Variants in FOXN2 observed in about 807,000 individuals in gnomAD.
FOXN2 encodes forkhead box protein N2.
FOXN2 carries 19 observed loss-of-function variants against 41.2 expected under a neutral mutation model. The observed-to-expected ratio is 0.46, with a 90% CI of 0.32 to 0.68. The LOEUF (loss-of-function observed/expected upper bound fraction) is 0.68. FOXN2 is among the 30% of genes least tolerant of loss of function. The pLI is 0.03. For synonymous variants in FOXN2, 195 were observed against 176.8 expected (o/e 1.10, Z -0.82); for missense variants, 587 against 509.4 (o/e 1.15, Z -1.47).
rs773308466 is a variant in FOXN2, at chr2:48,359,067, A to T, written c.558A>T (p.Leu186Phe). 2 of 1,613,416 alleles carry T rather than the reference A, an allele frequency of 1.2e-6. No individual in the cohort carries two copies. Among genetic ancestry groups the T allele is most frequent in the Non-Finnish European group, 1.7e-6 (2 of 1,179,600 alleles). Residue 186 changes from leucine (L) to phenylalanine (F), a missense_variant, in exon 4 of 7, where the codon TTA (leucine) becomes TTT (phenylalanine). Coordinates refer to ENST00000340553, the MANE Select transcript of FOXN2 (RefSeq NM_002158.4). ...TCTAGGTTAATGGAAAAGGTTCCTT[A>T]TGGTGTGTTGATCCGGAATATAAAC... ...SHGKVNGKGS[L>F]WCVDPEYKPN...
intron 5 of FOXN2, among the ~76,000 whole-genome samples, chr2:48,369,264 CG>C (rs1009129528): frequency 6.6e-6 from 1 of 152,146 alleles, no homozygotes; most frequent in Non-Finnish European, 1.5e-5. Flanking sequence ...TTAGGCCAGG[CG>C]GGGGTCTCAC....
chr2:48,358,196 C>T (rs1446238846), intron 3 of FOXN2, among the ~76,000 whole-genome samples: 1 of 150,836 alleles, frequency 6.6e-6, no homozygotes, highest in Non-Finnish European at 1.5e-5. Flanking sequence ...TTCAAAATTC[C>T]CTCCTCGGTG....
chr2:48,374,011 C>T (rs1323932816), intron 6 of FOXN2, among the ~76,000 whole-genome samples: 4 of 149,522 alleles, frequency 2.7e-5, no homozygotes, highest in Non-Finnish European at 1.5e-5. Flanking sequence ...GCCATGAGCA[C>T]TGCAGTGAGC....
intron 1 of FOXN2, among the ~76,000 whole-genome samples, chr2:48,319,785 ATTTTTT>A (rs545797179): frequency 1.0e-5 from 1 of 98,780 alleles, no homozygotes; most frequent in Non-Finnish European, 2.1e-5. Flanking sequence ...TAATTTTTTA[ATTTTTT>A]TTTTTTTTTT....
chr2:48,357,643 C>G (rs1017422390), intron 3 of FOXN2, among the ~76,000 whole-genome samples: 1 of 151,686 alleles, frequency 6.6e-6, no homozygotes, highest in Non-Finnish European at 1.5e-5. Flanking sequence ...TGCTATGTTG[C>G]TTAAGCTGCT....
At chr2:48,341,418 C>T (rs1670765350) in intron 2 of FOXN2, among the ~76,000 whole-genome samples, 1 of 151,966 alleles carries the variant, frequency 6.6e-6, no homozygotes, top group African/African-American at 2.4e-5. Context: ...GCTGATGGGC[C>T]AACTCACTCA....
At position 48,377,756 on chromosome 2, in the gene FOXN2, C is replaced by T. The variant is rs1269944952; in HGVS notation, c.*2313C>T. On this transcript the variant is annotated 3_prime_UTR_variant, in exon 7 of 7. Coordinates refer to ENST00000340553, the MANE Select transcript of FOXN2 (RefSeq NM_002158.4). The stretch of plus-strand genomic sequence containing the variant: ...GTTTCTTAAACATAATTTAATGCAT[C>T]ACCTTCCACTTGCTAACATACCAAG... 2 of 152,070 alleles carry T rather than the reference C, an allele frequency of 1.3e-5. No individual in the cohort carries two copies. Among genetic ancestry groups the T allele is most frequent in the African/African-American group, 4.8e-5 (2 of 41,452 alleles). 9.4% of individuals were successfully genotyped at this position (152,070 alleles called of 1,614,324 possible).
At chr2:48,317,794 G>C (rs181134937) in intron 1 of FOXN2, among the ~76,000 whole-genome samples, 8 of 151,596 alleles carry the variant, frequency 5.3e-5, no homozygotes, top group Admixed American at 2.0e-4. Flanking sequence ...TTTTAGTAGA[G>C]ACGGAGTTTT....
At chr2:48,317,651 A>G (rs1330305806) in intron 1 of FOXN2, among the ~76,000 whole-genome samples, 1 of 107,964 alleles carries the variant, frequency 9.3e-6, no homozygotes, top group Non-Finnish European at 1.7e-5. Context: ...CCTTTCTCCC[A>G]GGCTGGAGTG....
chr2:48,362,051 A>G (rs1672222801), intron 4 of FOXN2, among the ~76,000 whole-genome samples: 1 of 152,182 alleles, frequency 6.6e-6, no homozygotes, highest in Admixed American at 6.5e-5. Flanking sequence ...ACAACAGCCT[A>G]TGTGGGAGAT....
chr2:48,320,075 A>T (rs1335742752), intron 1 of FOXN2, among the ~76,000 whole-genome samples: 2 of 152,000 alleles, frequency 1.3e-5, no homozygotes, highest in African/African-American at 4.8e-5. Context: ...GGAAATACAG[A>T]AAAAAAGGGG....
At chr2:48,355,817 C>G (rs994097412) in intron 3 of FOXN2, among the ~76,000 whole-genome samples, 2 of 152,094 alleles carry the variant, frequency 1.3e-5, no homozygotes, top group Non-Finnish European at 2.9e-5. Context: ...GTTTTTCTCC[C>G]TATCATCATA....
At chr2:48,349,908 A>G (rs1671347636) in intron 3 of FOXN2, among the ~76,000 whole-genome samples, 1 of 152,244 alleles carries the variant, frequency 6.6e-6, no homozygotes, top group African/African-American at 2.4e-5. Flanking sequence ...CAAATTATTA[A>G]AGACCAAATG....
intron 6 of FOXN2, 76 bp from the exon 7 acceptor site, chr2:48,374,844 A>G: frequency 8.2e-7 from 1 of 1,215,676 alleles, no homozygotes; most frequent in Non-Finnish European, 1.2e-6. Context: ...CTCAAGAGTA[A>G]TGTAGTAGTT....
At chr2:48,364,451 T>C (rs1189540051) in intron 5 of FOXN2, among the ~76,000 whole-genome samples, 1 of 152,176 alleles carries the variant, frequency 6.6e-6, no homozygotes, top group Admixed American at 6.5e-5. Flanking sequence ...CATATGTGAA[T>C]AGATACACTT....
In FOXN2 at chr2:48,375,422, TC is replaced by T; in HGVS notation, c.1276del (p.Gln426LysfsTer10). The T allele has an allele frequency of 1.2e-6, 2 of 1,605,982 alleles. No homozygotes were observed. Among genetic ancestry groups the T allele is most frequent in the Middle Eastern group, 1.7e-4 (1 of 5,846 alleles). On this transcript the variant is annotated frameshift_variant, in exon 7 of 7. Coordinates refer to ENST00000340553, the MANE Select transcript of FOXN2 (RefSeq NM_002158.4). LOFTEE classifies it high-confidence loss of function. ...SLISTAKTQN[Q>X]KQRKK ...TAATAAGTACTGCAAAGACACAAAA[TC>T]AAAAGCAACGGAAAAAATAGAAATA...
At chr2:48,314,396 C>T (rs1281195756), upstream of FOXN2, among the ~76,000 whole-genome samples, 1 of 152,256 alleles carries the variant, frequency 6.6e-6, no homozygotes, top group Non-Finnish European at 1.5e-5. Flanking sequence ...CCTACAGCGC[C>T]TCCACCCTGC....
intron 2 of FOXN2, among the ~76,000 whole-genome samples, chr2:48,339,941 A>G (rs1262081177): frequency 4.6e-5 from 7 of 152,224 alleles, no homozygotes; most frequent in African/African-American, 2.4e-5. Context: ...CTCTGTAAAA[A>G]TGAATTACTG....
At chr2:48,349,938 A>G (rs1026832246) in intron 3 of FOXN2, among the ~76,000 whole-genome samples, 1 of 152,270 alleles carries the variant, frequency 6.6e-6, no homozygotes, top group African/African-American at 2.4e-5. Flanking sequence ...ATGACAGCTT[A>G]GAATCCCTGA....
Sources: gnomAD v4.1 joint callset for allele counts (sites outside exome capture counted in the v4.1 genomes callset) on GRCh38, gnomAD v4.1.1 for gene constraint, MANE v1.5 for transcripts, NCBI Gene and HGNC (gene_info 2026-07-23, HGNC 2026-07-21) for gene names.